ZNF34: variants seen among roughly 807,000 people sequenced by gnomAD.
ZNF34 encodes zinc finger protein 34.
ZNF34 carries 8 observed loss-of-function variants against 14.4 expected under a neutral mutation model. The observed-to-expected ratio is 0.55, with a 90% CI of 0.33 to 1.00. ZNF34 has a LOEUF of 1.00. Among genes scored for constraint, ZNF34 ranks in the 50% least tolerant of loss-of-function variants. ZNF34 has a pLI of 0.03. For synonymous variants in ZNF34, 235 were observed against 247.9 expected (o/e 0.95, Z 0.49); for missense variants, 538 against 674.2 (o/e 0.80, Z 2.24).
chr8:144,778,589 C>T (rs1266762019), intron 2 of ZNF34, 64 bp from the exon 3 acceptor site: 2 of 1,334,984 alleles, frequency 1.5e-6, no homozygotes, highest in East Asian at 2.6e-5. Flanking sequence ...GCTCAGGCTA[C>T]TTGGTGCTGC....
rs939809744 is a variant in ZNF34 at position 144,772,809 on chromosome 8, G to T, written c.*457C>A. Among the ~76,000 whole-genome samples the T allele has an allele frequency of 6.6e-6, 1 of 152,156 alleles. No homozygotes were observed. Among genetic ancestry groups the T allele is most frequent in the Non-Finnish European group, 1.5e-5 (1 of 68,028 alleles). ...CCCACCTTGGCCTCTCAAAATGCTG[G>T]TATTACAGGCATGAGCCACCACACC... On this transcript the variant is annotated 3_prime_UTR_variant, in exon 6 of 6. Coordinates refer to ENST00000429371, the MANE Select transcript of ZNF34 (RefSeq NM_001286769.2).
In ZNF34 at chr8:144,773,169, A is replaced by G; in HGVS notation, c.*97T>C. ...GAGAAACGTCCTTTCACTCTGTGAA[A>G]ACATCGTGTGGATAATACATAAAGG... is the stretch of plus-strand genomic sequence containing the variant. On this transcript the variant is annotated 3_prime_UTR_variant, in exon 6 of 6. Coordinates refer to ENST00000429371, the MANE Select transcript of ZNF34 (RefSeq NM_001286769.2). The surrounding 1 kb of genome is among the most constrained non-coding windows in gnomAD (Gnocchi z 5.4). The G allele has an allele frequency of 1.5e-6, 2 of 1,312,310 alleles. No homozygotes were observed. Among genetic ancestry groups the G allele is most frequent in the Non-Finnish European group, 2.0e-6 (2 of 984,078 alleles). The allele number at this position is 1,312,310 out of a possible 1,614,324, so 81.3% of individuals were successfully genotyped here.
intron 2 of ZNF34, 52 bp from the exon 3 acceptor site, chr8:144,778,577 C>T: frequency 7.0e-7 from 1 of 1,420,184 alleles, no homozygotes; most frequent in South Asian, 1.4e-5. Context: ...CCTTCTTCCA[C>T]AGCTCAGGCT....
At position 144,780,712 on chromosome 8, in the gene ZNF34, C is replaced by T. The variant is rs1346574302; in HGVS notation, c.-107-432G>A. Among the ~76,000 whole-genome samples, 8 of 151,928 alleles carry T rather than the reference C, an allele frequency of 5.3e-5. No individual in the cohort carries two copies. The East Asian group carries it at 1.6e-3, about 29-fold the overall frequency. ...GCTGAGGCAGGAGAATCGCTTGAAC[C>T]CGGGAGGCGGAGGTTGTAGTGAGCC... is the stretch of plus-strand genomic sequence containing the variant. On this transcript the variant is annotated intron_variant, in intron 1 of 5. Transcript: ENST00000429371.
At chr8:144,783,097 C>G (rs772980901) in intron 1 of ZNF34, among the ~76,000 whole-genome samples, 1 of 151,586 alleles carries the variant, frequency 6.6e-6, no homozygotes, top group South Asian at 2.1e-4. Context: ...CCCAGGAGTT[C>G]AAGCTCAGCC....
intron 1 of ZNF34, among the ~76,000 whole-genome samples, chr8:144,785,006 C>T (rs1826133452): frequency 6.7e-6 from 1 of 149,366 alleles, no homozygotes; most frequent in African/African-American, 2.5e-5. Context: ...CCAGTCAAAA[C>T]CTCAGGTGGC....
At chr8:144,783,576 A>G (rs1826032810) in intron 1 of ZNF34, among the ~76,000 whole-genome samples, 1 of 152,188 alleles carries the variant, frequency 6.6e-6, no homozygotes, top group African/African-American at 2.4e-5. Context: ...TTTGTCAGCA[A>G]TCAGCAACCG....
At chr8:144,783,801 T>C (rs1015007460) in intron 1 of ZNF34, among the ~76,000 whole-genome samples, 6 of 152,200 alleles carry the variant, frequency 3.9e-5, no homozygotes, top group Non-Finnish European at 5.9e-5. Flanking sequence ...TAATAAACAT[T>C]TCAACAGGAC....
Position 144,773,031 on chromosome 8 carries a change from T to G in ZNF34, c.*235A>C. The G allele has an allele frequency of 2.4e-6, 1 of 424,206 alleles. No homozygotes were observed. The highest frequency in any genetic ancestry group is 4.1e-6 in the Non-Finnish European group (1 of 243,102). 26.3% of individuals were successfully genotyped at this position (424,206 alleles called of 1,614,324 possible). A position where few individuals can be genotyped will look rare whatever the true frequency, so the allele number is the denominator to read the frequency against. ...ATTCGTAAATCAGCAGCAATGAATT[T>G]TTTTTCTAAGTGGGAGAGATCACAG... is the stretch of plus-strand genomic sequence containing the variant. On this transcript the variant is annotated 3_prime_UTR_variant, in exon 6 of 6. Transcript: ENST00000429371. This position sits in a 1 kb window ranked among gnomAD's most constrained non-coding sequence, Gnocchi z 5.4.
rs773115317 is a variant in ZNF34 at position 144,778,541 on chromosome 8, G to C, written c.-54-16C>G. 4.5e-6 allele frequency: 7 copies of C among 1,540,270 alleles called. No individual in the cohort carries two copies. The stretch of plus-strand genomic sequence containing the variant: ...CACTGAGGAGCTGAGGGAAGAGAAC[G>C]CAACAAGTGGAGGCCCAGTCTGGCC... On this transcript the variant is annotated splice_polypyrimidine_tract_variant and intron_variant, in intron 2 of 5. Coordinates refer to ENST00000429371, the MANE Select transcript of ZNF34 (RefSeq NM_001286769.2).
At position 144,782,842 on chromosome 8, in the gene ZNF34, C is replaced by CAAAAAAAAAAAAAAAAAAAAA. The variant is rs548252812; in HGVS notation, c.-107-2583_-107-2563dup. On this transcript the variant is annotated intron_variant, in intron 1 of 5. Transcript: ENST00000429371. ...ACAGAGACAGAACCAAAGCCTATCT[C>CAAAAAAAAAAAAAAAAAAAAA]AAAAAAAAAAAAAAAAAAAAAAAAA... Among the ~76,000 whole-genome samples the CAAAAAAAAAAAAAAAAAAAAA allele has an allele frequency of 3.5e-4, 8 of 22,976 alleles. 1 individual carries two copies. The highest frequency in any genetic ancestry group is 3.8e-4 in the Non-Finnish European group (6 of 15,670). 15.1% of individuals were successfully genotyped at this position (22,976 alleles called of 152,430 possible).
chr8:144,778,347 T>C, intron 3 of ZNF34, 92 bp downstream of exon 3: 5 of 1,393,908 alleles, frequency 3.6e-6, no homozygotes, highest in Non-Finnish European at 9.6e-7. Context: ...CCTACCATCA[T>C]GTCAGCATCC....
At chr8:144,778,671 C>T (rs564493901) in intron 2 of ZNF34, 146 bp from the exon 3 acceptor site, 11 of 502,656 alleles carry the variant, frequency 2.2e-5, no homozygotes, top group African/African-American at 4.2e-5. Context: ...GCTGGCCTCC[C>T]GGACATAGAC....
intron 3 of ZNF34, 40 bp from the exon 4 acceptor site, chr8:144,778,204 G>A (rs745395615): frequency 5.7e-6 from 9 of 1,590,220 alleles, no homozygotes; most frequent in African/African-American, 1.3e-5. Flanking sequence ...GTGTGGTCCA[G>A]AGTGGGCTGG....
At chr8:144,786,661 G>GA (rs1826258303) in intron 1 of ZNF34, among the ~76,000 whole-genome samples, 1 of 151,252 alleles carries the variant, frequency 6.6e-6, no homozygotes, top group African/African-American at 2.4e-5. Flanking sequence ...AAGGAAAGAA[G>GA]GAAGAGAAGA....
At chr8:144,785,105 C>CAAAAAA (rs1826141474) in intron 1 of ZNF34, among the ~76,000 whole-genome samples, 1 of 104,446 alleles carries the variant, frequency 9.6e-6, no homozygotes, top group Non-Finnish European at 1.8e-5. Context: ...CCAGACCCTG[C>CAAAAAA]CAAAAAAAAA....
At chr8:144,785,048 T>C (rs113039165) in intron 1 of ZNF34, among the ~76,000 whole-genome samples, 2 of 125,552 alleles carry the variant, frequency 1.6e-5, no homozygotes, top group African/African-American at 6.4e-5. Flanking sequence ...GAGTGGGAGA[T>C]GGAGGCTGCA....
chr8:144,773,848 G>C lies in ZNF34; in HGVS notation c.1038C>G (p.Asp346Glu). ...AGCCATCACTGAAGGCTTTCCCGCA[G>C]TCATTACATTTATAGGGTTTCTCTC... ...HTGEKPYKCN[D>E]CGKAFSDGSI... is the part of the protein sequence containing the mutation. Residue 346 changes from aspartate to glutamate, a missense_variant, in exon 6 of 6, where the codon GAC becomes GAG. Asp to Glu is a conservative substitution (Grantham distance 45, BLOSUM62 2). Coordinates refer to ENST00000429371, the MANE Select transcript of ZNF34 (RefSeq NM_001286769.2). This position sits in a 1 kb window ranked among gnomAD's most constrained non-coding sequence, Gnocchi z 5.4. 6.2e-7 allele frequency: 1 copy of C among 1,613,858 alleles called. No individual in the cohort carries two copies. Among genetic ancestry groups the C allele is most frequent in the Non-Finnish European group, 8.5e-7 (1 of 1,179,956 alleles).
chr8:144,781,800 C>G (rs1825905292), intron 1 of ZNF34, among the ~76,000 whole-genome samples: 1 of 152,116 alleles, frequency 6.6e-6, no homozygotes, highest in Non-Finnish European at 1.5e-5. Flanking sequence ...GAAATGGAAA[C>G]TAAAGTGGAA....
Sources: allele counts gnomAD v4.1 joint callset (sites outside exome capture counted in the v4.1 genomes callset), GRCh38; gene constraint gnomAD v4.1.1; non-coding constraint Gnocchi (gnomAD v3.1); transcripts MANE v1.5; gene names NCBI Gene and HGNC (gene_info 2026-07-23, HGNC 2026-07-21).